Variants in TKT observed in about 807,000 individuals in gnomAD.
The protein encoded by TKT is transketolase.
In TKT, 47 loss-of-function variants were observed where a neutral mutation model predicts 63.9. The ratio of observed to expected loss-of-function variants is 0.74; its 90% CI spans 0.58 to 0.94. The LOEUF is 0.94. TKT is among the 40% of genes least tolerant of loss of function. The pLI, the probability that TKT is intolerant of heterozygous loss-of-function variation, is 0.00. For synonymous variants in TKT, 338 were observed against 334.1 expected, an observed-to-expected ratio of 1.01 and a Z score of -0.13; for missense variants, 721 against 846.2, an observed-to-expected ratio of 0.85 and a Z score of 1.84.
chr3:53,226,674 G>A, intron 13 of TKT, 82 bp downstream of exon 13: 1 of 1,598,728 alleles, frequency 6.3e-7, no homozygotes, highest in Non-Finnish European at 8.5e-7. Context: ...GCCCTCCTGG[G>A]GCTCAGATAG....
intron 6 of TKT, chr3:53,232,054 C>A (rs1395086977): frequency 3.2e-6 from 1 of 316,834 alleles, no homozygotes; most frequent in Non-Finnish European, 5.7e-6. Flanking sequence ...TCTATAAGCA[C>A]CTAGGCATGC....
chr3:53,245,889 G>A (rs373470930), intron 1 of TKT, among the ~76,000 whole-genome samples: 5 of 152,166 alleles, frequency 3.3e-5, no homozygotes, highest in South Asian at 2.1e-4. Flanking sequence ...ATCAGTAGCC[G>A]AAGATGCACA....
rs1553679745 is a variant in TKT, at chr3:53,241,141, G to A, written c.330C>T (p.His110=). The A allele has an allele frequency of 7.7e-6, 12 of 1,559,098 alleles. No homozygotes were observed. The highest frequency in any genetic ancestry group is 2.1e-5 in the Admixed American group (1 of 47,090). Residue 110 remains histidine (H), a synonymous_variant, in exon 3 of 14, where the codon CAC becomes CAT. Coordinates refer to ENST00000462138, the MANE Select transcript of TKT (RefSeq NM_001064.4). ...LRKISSDLDG[H]PVPKQAFTDV... is the part of the protein sequence containing the mutation. ...TGGCAGGAGCACTTACCGGGACCGG[G>A]TGCCCGTCCAAGTCGGAGCTGATCT... is the stretch of plus-strand genomic sequence containing the variant.
At chr3:53,255,509 G>C (rs1705947129) in intron 1 of TKT, among the ~76,000 whole-genome samples, 1 of 152,188 alleles carries the variant, frequency 6.6e-6, no homozygotes, top group South Asian at 2.1e-4. Flanking sequence ...CACCCTAGAG[G>C]GTACTTGGCG....
chr3:53,243,452 C>A, intron 1 of TKT: 1 of 386,114 alleles, frequency 2.6e-6, no homozygotes, highest in South Asian at 1.9e-5. Flanking sequence ...TCCCGCCCCT[C>A]CAATCAGCGC....
chr3:53,252,971 C>A (rs1189685861), intron 1 of TKT, among the ~76,000 whole-genome samples: 1 of 152,114 alleles, frequency 6.6e-6, no homozygotes, highest in Non-Finnish European at 1.5e-5. Context: ...TCCTGAGTAG[C>A]TGGGATTACA....
Position 53,225,903 on chromosome 3 carries a change from T to C in TKT, c.1725A>G (p.Ala575=), listed in dbSNP as rs1553675375. 7 of 1,613,214 alleles carry C rather than the reference T, an allele frequency of 4.3e-6. No individual in the cohort carries two copies. Among genetic ancestry groups the C allele is most frequent in the Non-Finnish European group, 5.9e-6 (7 of 1,179,796 alleles). Residue 575 remains alanine, a synonymous_variant, in exon 14 of 14, where the codon GCA becomes GCG. Coordinates refer to ENST00000462138, the MANE Select transcript of TKT (RefSeq NM_001064.4). ...EGGIGEAVSS[A]VVGEPGITVT... ...CAGTGATGCCAGGCTCGCCCACTAC[T>C]GCACTGGACACAGCCTCACCAATGC...
In TKT at chr3:53,231,390, C is replaced by T. The variant is rs199714013; in HGVS notation, c.909G>A (p.Met303Ile). The T allele has an allele frequency of 1.2e-6, 2 of 1,613,828 alleles. No individual in the cohort carries two copies. The highest frequency in any genetic ancestry group is 1.7e-6 in the Non-Finnish European group (2 of 1,180,024). Residue 303 changes from methionine to isoleucine, a missense_variant, in exon 7 of 14, where the codon ATG becomes ATA. By Grantham distance (10) the Met-to-Ile change is conservative. Coordinates refer to ENST00000462138, the MANE Select transcript of TKT (RefSeq NM_001064.4). ...APSVDIANIR[M>I]PSLPSYKVGD... ...CAACTTTGTAGCTGGGCAGGCTGGGCATGCGGATGTTGGCAATGTCCACTG... is the reference window on the plus strand; with the variant it reads ...CAACTTTGTAGCTGGGCAGGCTGGGTATGCGGATGTTGGCAATGTCCACTG...
chr3:53,225,894 G>A lies in TKT; in HGVS notation c.1734C>T (p.Gly578=), dbSNP rs558047525. ...IGEAVSSAVV[G]EPGITVTHLA... ...GGTGGGTGACAGTGATGCCAGGCTC[G>A]CCCACTACTGCACTGGACACAGCCT... is the stretch of plus-strand genomic sequence containing the variant. The change falls in exon 14 of 14, where the codon GGC becomes GGT. Residue 578 remains glycine, a synonymous_variant. Transcript: ENST00000462138. 9.3e-6 allele frequency: 15 copies of A among 1,613,478 alleles called. No individual in the cohort carries two copies. The highest frequency in any genetic ancestry group is 4.4e-5 in the South Asian group (4 of 91,010).
At chr3:53,228,254 C>A in intron 11 of TKT, 22 bp downstream of exon 11, 1 of 1,614,162 alleles carries the variant, frequency 6.2e-7, no homozygotes. Context: ...CTGTGGGCTC[C>A]TGGGGCATGC....
rs1704621138 is a variant in TKT, at chr3:53,228,995, C to T, written c.1395+12G>A. 7 of 1,613,856 alleles carry T rather than the reference C, an allele frequency of 4.3e-6. No homozygotes were observed. The highest frequency in any genetic ancestry group is 5.1e-6 in the Non-Finnish European group (6 of 1,179,954). ...GGCTGCCAGCAGGAGAAAGAACAGC[C>T]ATGCAACCTACCTTTGTATTGGCGG... On this transcript the variant is annotated intron_variant, in intron 10 of 13. Coordinates refer to ENST00000462138, the MANE Select transcript of TKT (RefSeq NM_001064.4).
At chr3:53,229,487 C>A in intron 8 of TKT, 51 bp from the exon 9 acceptor site, 1 of 1,558,800 alleles carries the variant, frequency 6.4e-7, no homozygotes, top group South Asian at 1.2e-5. Context: ...AGAGGGTGGT[C>A]GGGGAGCCTA....
In TKT at chr3:53,242,373, C is replaced by T. The variant is rs576653890; in HGVS notation, c.108-131G>A. 9.0e-5 allele frequency: 77 copies of T among 853,532 alleles called. No homozygotes were observed. In the African/African-American group the frequency reaches 1.0e-3, roughly 11 times the overall value. The allele number at this position is 853,532 out of a possible 1,614,324, so 52.9% of individuals were successfully genotyped here. ...ACAGGCCTGGCTTATCAGACAGCCA[C>T]GAGCTCTTGTTCCCTGGGAGGGTGA... On this transcript the variant is annotated intron_variant, in intron 1 of 13. Coordinates refer to ENST00000462138, the MANE Select transcript of TKT (RefSeq NM_001064.4).
At chr3:53,250,149 G>C (rs1705684685) in intron 1 of TKT, among the ~76,000 whole-genome samples, 1 of 152,240 alleles carries the variant, frequency 6.6e-6, no homozygotes, top group South Asian at 2.1e-4. Context: ...TCTTCACACT[G>C]AGTGAGGAAA....
intron 1 of TKT, among the ~76,000 whole-genome samples, chr3:53,246,414 C>A (rs1705506616): frequency 6.6e-6 from 1 of 152,184 alleles, no homozygotes; most frequent in African/African-American, 2.4e-5. Context: ...GGATACTATA[C>A]AGCAGTAAGA....
intron 4 of TKT, among the ~76,000 whole-genome samples, chr3:53,238,535 C>T (rs1390524594): frequency 2.0e-5 from 3 of 152,208 alleles, no homozygotes; most frequent in East Asian, 1.9e-4. Flanking sequence ...CCTTCAAGGA[C>T]CCACAGTCTT....
At chr3:53,234,873 G>T in intron 5 of TKT, 110 bp downstream of exon 5, 1 of 1,143,310 alleles carries the variant, frequency 8.7e-7, no homozygotes, top group Non-Finnish European at 1.2e-6. Flanking sequence ...GGGACCTTTA[G>T]ATGGTGCTTA....
chr3:53,235,430 G>C lies in TKT; in HGVS notation c.438-256C>G, dbSNP rs115392912. On this transcript the variant is annotated intron_variant, in intron 4 of 13. Coordinates refer to ENST00000462138, the MANE Select transcript of TKT (RefSeq NM_001064.4). Reference sequence around the variant, plus strand: ...AAGAAGTACTGGTTGTTAAGAAACAGAGGTCTAGGACAACAGGGATCTGGC... The same window carrying C: ...AAGAAGTACTGGTTGTTAAGAAACACAGGTCTAGGACAACAGGGATCTGGC... 889 of 404,026 alleles carry C rather than the reference G, an allele frequency of 2.2e-3. 8 individuals carry two copies. The highest frequency in any genetic ancestry group is 0.016 in the African/African-American group (799 of 49,656). The allele number at this position is 404,026 out of a possible 1,614,324, so 25.0% of individuals were successfully genotyped here.
chr3:53,252,108 C>G (rs1705776325), intron 1 of TKT, among the ~76,000 whole-genome samples: 1 of 152,242 alleles, frequency 6.6e-6, no homozygotes, highest in African/African-American at 2.4e-5. Context: ...CCATTGCACT[C>G]CAGCCTGGGC....
Sources: gnomAD v4.1 joint callset for allele counts (sites outside exome capture counted in the v4.1 genomes callset) on GRCh38, gnomAD v4.1.1 for gene constraint, MANE v1.5 for transcripts, NCBI Gene and HGNC (gene_info 2026-07-23, HGNC 2026-07-21) for gene names.